Variants in MYO1F observed in about 807,000 individuals in gnomAD.
The protein encoded by MYO1F is myosin IF, also known as unconventional myosin-If.
Under a neutral mutation model 146.6 loss-of-function variants are expected in MYO1F, and 60 were observed. That is an observed-to-expected ratio of 0.41 (90% confidence interval 0.33 to 0.51). The LOEUF (loss-of-function observed/expected upper bound fraction) is 0.51. MYO1F is among the 20% of genes least tolerant of loss of function. MYO1F has a pLI of 0.25. For synonymous variants in MYO1F, 602 were observed against 602.1 expected (o/e 1.00, Z 0.00); for missense variants, 1,274 against 1,534.3 (o/e 0.83, Z 2.83).
At chr19:8,547,475 G>A (rs10417009) in intron 12 of MYO1F, among the ~76,000 whole-genome samples, 23,197 of 151,196 alleles carry the variant, frequency 0.15, 3,801 homozygotes, top group African/African-American at 0.4. Context: ...ATGGTGGTGG[G>A]TGCCTGTAGT....
chr19:8,522,426 C>T lies in MYO1F; in HGVS notation c.3171G>A (p.Val1057=), dbSNP rs773570258. The change falls in exon 27 of 28, where the codon GTG becomes GTA. Residue 1057 remains valine, a synonymous_variant. Transcript: ENST00000644032. Reference sequence around the variant, plus strand: ...CGTTCACGTTGAAGCTCAGCTCGTCCACATCTTGGCCCACGTACTGGTATA... The same window carrying T: ...CGTTCACGTTGAAGCTCAGCTCGTCTACATCTTGGCCCACGTACTGGTATA... The part of the protein sequence containing the change: ...RALYQYVGQD[V]DELSFNVNEV... 6.2e-7 allele frequency: 1 copy of T among 1,614,188 alleles called. No individual in the cohort carries two copies. Among genetic ancestry groups the T allele is most frequent in the East Asian group, 2.2e-5 (1 of 44,880 alleles).
chr19:8,530,528 C>A lies in MYO1F; in HGVS notation c.2089G>T (p.Ala697Ser). Residue 697 changes from alanine to serine, a missense_variant, in exon 20 of 28, where the codon GCC becomes TCC. Physicochemically the swap from Ala to Ser is moderately conservative, Grantham distance 99 (BLOSUM62 1). Around this residue, in one of 2 missense-constraint regions of MYO1F, gnomAD observed 900 missense variants for 1,155.1 expected, o/e 0.78. Transcript: ENST00000644032. This position sits in a 1 kb window ranked among gnomAD's most constrained non-coding sequence, Gnocchi z 5.8. The part of the protein sequence containing the change: ...EVRERKFDGF[A>S]RTIQKAWRRH... Reference sequence around the variant, plus strand: ...CGCCAGGCCTTCTGGATGGTTCGGGCAAAGCCATCGAACTTTCGCTCTCGC... The same window carrying A: ...CGCCAGGCCTTCTGGATGGTTCGGGAAAAGCCATCGAACTTTCGCTCTCGC... 6.2e-7 allele frequency: 1 copy of A among 1,613,504 alleles called. No individual in the cohort carries two copies. The highest frequency in any genetic ancestry group is 8.5e-7 in the Non-Finnish European group (1 of 1,180,030).
At chr19:8,554,413 G>GGGT (rs958203039) in intron 4 of MYO1F, 64 bp downstream of exon 4, 71 of 1,334,968 alleles carry the variant, frequency 5.3e-5, no homozygotes, top group Middle Eastern at 2.4e-4. Flanking sequence ...ACCTCCCTGG[G>GGGT]GGTGGTGATG....
chr19:8,524,968 C>T (rs1441511403), intron 25 of MYO1F, among the ~76,000 whole-genome samples: 1 of 152,022 alleles, frequency 6.6e-6, no homozygotes, highest in Non-Finnish European at 1.5e-5. Flanking sequence ...GAGGCCGAGA[C>T]GGGCGGGTCA....
At chr19:8,567,797 G>C (rs73501559) in intron 1 of MYO1F, among the ~76,000 whole-genome samples, 15,449 of 152,276 alleles carry the variant, frequency 0.1, 906 homozygotes, top group Non-Finnish European at 0.13. Context: ...AGAGATCGCC[G>C]GGGTTGCTGC....
intron 13 of MYO1F, chr19:8,545,385 G>C: frequency 2.2e-6 from 1 of 463,922 alleles, no homozygotes; most frequent in Non-Finnish European, 4.0e-6. Context: ...CACCGGCATG[G>C]AATCTGCAAA....
Position 8,564,697 on chromosome 19 carries a change from G to A in MYO1F, c.4-8901C>T, listed in dbSNP as rs369289030. ...GCTAGGAGGTATAGACAGGAATGAG[G>A]ATCTGGCTGAGAAGGGGAAGAGGGA... On this transcript the variant is annotated intron_variant, in intron 1 of 27. Transcript: ENST00000644032. Among the ~76,000 whole-genome samples, 8 of 151,904 alleles carry A rather than the reference G, an allele frequency of 5.3e-5. 1 individual carries two copies. Among genetic ancestry groups the A allele is most frequent in the East Asian group, 3.9e-4 (2 of 5,164 alleles).
rs773226691 is a variant in MYO1F, at chr19:8,548,141, G to C, written c.1183-19C>G. On this transcript the variant is annotated intron_variant, in intron 11 of 27. Transcript: ENST00000644032. ...CATTTTTCTGCAGAAGGAGGAAAAG[G>C]GTCCTTCCCTCAATGTCCTGGTGCT... 5 of 1,612,832 alleles carry C rather than the reference G, an allele frequency of 3.1e-6. No homozygotes were observed. The highest frequency in any genetic ancestry group is 4.2e-6 in the Non-Finnish European group (5 of 1,178,892).
intron 13 of MYO1F, chr19:8,545,416 G>T: frequency 1.9e-6 from 1 of 532,554 alleles, no homozygotes; most frequent in East Asian, 3.5e-5. Flanking sequence ...ACTGTGAGCT[G>T]GGGTTCCCGG....
At chr19:8,561,459 CCTCTCTCT>C (rs1280749693) in intron 1 of MYO1F, among the ~76,000 whole-genome samples, 1 of 122,182 alleles carries the variant, frequency 8.2e-6, no homozygotes, top group African/African-American at 3.4e-5. Context: ...TCCCTCTCTC[CCTCTCTCT>C]CTCTTTCTTT....
chr19:8,563,960 A>G (rs958569045), intron 1 of MYO1F, among the ~76,000 whole-genome samples: 3 of 152,116 alleles, frequency 2.0e-5, no homozygotes, highest in Non-Finnish European at 4.4e-5. Flanking sequence ...TTGGACACAC[A>G]TTTTATTGTA....
At chr19:8,542,085 C>T (rs1973000263) in intron 14 of MYO1F, 94 bp from the exon 15 acceptor site, 1 of 935,728 alleles carries the variant, frequency 1.1e-6, no homozygotes, top group South Asian at 1.3e-5. Flanking sequence ...TCAAGGCTTT[C>T]CTGGGGCCTG....
intron 1 of MYO1F, among the ~76,000 whole-genome samples, chr19:8,575,318 G>C (rs536230105): frequency 2.0e-5 from 3 of 151,908 alleles, no homozygotes; most frequent in South Asian, 4.2e-4. Context: ...TTCGTGATCT[G>C]CCCGCCTCGG....
chr19:8,565,411 G>A (rs975080998), intron 1 of MYO1F, among the ~76,000 whole-genome samples: 1 of 151,534 alleles, frequency 6.6e-6, no homozygotes, highest in African/African-American at 2.4e-5. Context: ...GTGTGGTGGC[G>A]AGCGCCTGTA....
At chr19:8,557,836 C>A (rs1973922837) in intron 1 of MYO1F, among the ~76,000 whole-genome samples, 2 of 152,170 alleles carry the variant, frequency 1.3e-5, no homozygotes, top group Non-Finnish European at 2.9e-5. Context: ...CTCCCCAGGC[C>A]CAGGCCAGTC....
rs1157389907 is a variant in MYO1F at position 8,530,738 on chromosome 19, TAAAG to T, written c.2044-169_2044-166del. ...GGGTCTTTCTAGTGACACTCGTTCA[TAAAG>T]AAAAGAAGAAAAAGGGGCCGGGCGC... On this transcript the variant is annotated intron_variant, in intron 19 of 27. Transcript: ENST00000644032. The surrounding 1 kb of genome is among the most constrained non-coding windows in gnomAD (Gnocchi z 5.8). Among the ~76,000 whole-genome samples, 2 of 152,098 alleles carry T rather than the reference TAAAG, an allele frequency of 1.3e-5. No individual in the cohort carries two copies. The highest frequency in any genetic ancestry group is 1.5e-5 in the Non-Finnish European group (1 of 67,992).
Position 8,553,197 on chromosome 19 carries a change from G to C in MYO1F, c.446C>G (p.Pro149Arg), listed in dbSNP as rs1231954967. 1.2e-6 allele frequency: 2 copies of C among 1,614,066 alleles called. No individual in the cohort carries two copies. Among genetic ancestry groups the C allele is most frequent in the Admixed American group, 3.3e-5 (2 of 59,984 alleles). ...HVKDIILQSN[P>R]LLEAFGNAKT... Reference sequence around the variant, plus strand: ...GGCGTTGCCGAAGGCCTCGAGCAGCGGGTTGGACTGCAGGATGATATCTTT... The same window carrying C: ...GGCGTTGCCGAAGGCCTCGAGCAGCCGGTTGGACTGCAGGATGATATCTTT... Residue 149 changes from proline (P) to arginine (R), a missense_variant, in exon 6 of 28, where the codon CCG (proline) becomes CGG (arginine). By Grantham distance (103) the Pro-to-Arg change is moderately radical (BLOSUM62 -2). This residue lies in a region of MYO1F where 900 missense variants were observed against 1,155.1 expected (regional missense o/e 0.78). Transcript: ENST00000644032.
rs117637408 is a variant in MYO1F at position 8,541,368 on chromosome 19, C to T, written c.1610+538G>A. 1.3e-3 allele frequency among the ~76,000 whole-genome samples: 189 copies of T among 150,568 alleles called. 6 individuals carry two copies. The East Asian group carries it at 0.034, about 27-fold the overall frequency. The stretch of plus-strand genomic sequence containing the variant: ...CCACATGTCAAACACTTTAAGGATC[C>T]CCGTCTTATTACTTTACATCTAATG... On this transcript the variant is annotated intron_variant, in intron 15 of 27. Transcript: ENST00000644032.
chr19:8,574,605 C>CG (rs2042187638), intron 1 of MYO1F, among the ~76,000 whole-genome samples: 2 of 59,558 alleles, frequency 3.4e-5, no homozygotes, highest in Non-Finnish European at 6.3e-5. Flanking sequence ...CTCTTTCTTT[C>CG]TTTCTTTCTT....
Sources: allele counts gnomAD v4.1 joint callset (sites outside exome capture counted in the v4.1 genomes callset), GRCh38; gene constraint gnomAD v4.1.1; regional missense constraint gnomAD v4.1.1; non-coding constraint Gnocchi (gnomAD v3.1); transcripts MANE v1.5; gene names NCBI Gene and HGNC (gene_info 2026-07-23, HGNC 2026-07-21).